The following SLC9C2 variants were observed in gnomAD, a reference collection of about 807,000 sequenced individuals.
The protein encoded by SLC9C2 is sodium/hydrogen exchanger 11.
Under a neutral mutation model 140.2 loss-of-function variants are expected in SLC9C2, and 75 were observed. The ratio of observed to expected loss-of-function variants is 0.53; its 90% confidence interval spans 0.44 to 0.65. SLC9C2 has a LOEUF of 0.65. Ranked by LOEUF, SLC9C2 falls within the 30% of genes least tolerant of loss-of-function variation. SLC9C2 has a pLI of 0.00. For missense variants in SLC9C2, 1,074 were observed against 1,331.8 expected, an observed-to-expected ratio of 0.81 and a Z score of 3.01; for synonymous variants, 375 against 420.9, an observed-to-expected ratio of 0.89 and a Z score of 1.34.
At chr1:173,505,581 A>G (rs1357189467) in intron 25 of SLC9C2, among the ~76,000 whole-genome samples, 1 of 152,200 alleles carries the variant, frequency 6.6e-6, no homozygotes, top group Non-Finnish European at 1.5e-5. Context: ...GGAAATTCCC[A>G]GTTTGGAAAG....
chr1:173,563,259 T>C (rs544027721), intron 9 of SLC9C2, among the ~76,000 whole-genome samples: 96 of 152,082 alleles, frequency 6.3e-4, no homozygotes, highest in Non-Finnish European at 4.6e-4. Flanking sequence ...TATCACAGTC[T>C]CACAGGGCTG....
At chr1:173,567,399 T>C (rs1664540996) in intron 9 of SLC9C2, among the ~76,000 whole-genome samples, 1 of 152,110 alleles carries the variant, frequency 6.6e-6, no homozygotes, top group South Asian at 2.1e-4. Context: ...TTGACTCCTT[T>C]ATCATTATAT....
intron 17 of SLC9C2, among the ~76,000 whole-genome samples, chr1:173,530,404 C>A (rs1661499061): frequency 6.6e-6 from 1 of 152,146 alleles, no homozygotes; most frequent in African/African-American, 2.4e-5. Context: ...TTCAGAAAAC[C>A]CCTAACCAGG....
chr1:173,521,303 T>C lies in SLC9C2; in HGVS notation c.2737A>G (p.Ile913Val). The C allele has an allele frequency of 6.7e-7, 1 of 1,495,436 alleles. No homozygotes were observed. Among genetic ancestry groups the C allele is most frequent in the Middle Eastern group, 1.7e-4 (1 of 5,778 alleles). 92.6% of individuals were successfully genotyped at this position (1,495,436 alleles called of 1,614,324 possible). A position where few individuals can be genotyped will look rare whatever the true frequency, so the allele number is the denominator to read the frequency against. ...AAAAAAAATCAATAGTCCCTTACAATTGCCATTCCTGAAATAATTAAGTAG... is the reference window on the plus strand; with the variant it reads ...AAAAAAAATCAATAGTCCCTTACAACTGCCATTCCTGAAATAATTAAGTAG... ...GIYLIISGMAILHSLSPTFGI... is the reference protein window; with the variant it reads ...GIYLIISGMAVLHSLSPTFGI... The change falls in exon 22 of 28, where the codon ATT becomes GTT. Residue 913 changes from isoleucine to valine, a missense_variant and splice_region_variant. Coordinates refer to ENST00000367714, the MANE Select transcript of SLC9C2 (RefSeq NM_178527.4).
At chr1:173,593,430 G>A (rs547923037) in intron 4 of SLC9C2, among the ~76,000 whole-genome samples, 1 of 152,184 alleles carries the variant, frequency 6.6e-6, no homozygotes, top group Non-Finnish European at 1.5e-5. Flanking sequence ...TGAGGCAGGA[G>A]AATCACTTGA....
chr1:173,579,150 G>A (rs1665369182), intron 7 of SLC9C2, among the ~76,000 whole-genome samples: 1 of 152,294 alleles, frequency 6.6e-6, no homozygotes, highest in Middle Eastern at 3.4e-3. Flanking sequence ...ACACTCTGCA[G>A]TAAGTCTTAC....
chr1:173,582,107 T>G, intron 6 of SLC9C2, 99 bp from the exon 7 acceptor site: 1 of 888,514 alleles, frequency 1.1e-6, no homozygotes, highest in Non-Finnish European at 1.6e-6. Flanking sequence ...GGTTTGCTTG[T>G]GAGATTTTGA....
intron 23 of SLC9C2, among the ~76,000 whole-genome samples, chr1:173,514,008 A>C (rs1387575398): frequency 1.3e-5 from 2 of 152,196 alleles, no homozygotes; most frequent in Non-Finnish European, 2.9e-5. Flanking sequence ...ATTTGATTGC[A>C]CTGTGGTCTG....
At chr1:173,601,596 T>C (rs1244452534) in intron 2 of SLC9C2, 54 bp downstream of exon 2, 4 of 1,582,030 alleles carry the variant, frequency 2.5e-6, no homozygotes, top group Non-Finnish European at 3.4e-6. Context: ...CTTTCTGCAT[T>C]GACAAAAGGT....
At chr1:173,546,115 C>T (rs1662828949) in intron 13 of SLC9C2, among the ~76,000 whole-genome samples, 1 of 152,188 alleles carries the variant, frequency 6.6e-6, no homozygotes. Flanking sequence ...TAATAGGAGG[C>T]TCTGCAAAGA....
At chr1:173,567,587 TGG>T (rs1449265855) in intron 9 of SLC9C2, among the ~76,000 whole-genome samples, 1 of 152,076 alleles carries the variant, frequency 6.6e-6, no homozygotes, top group African/African-American at 2.4e-5. Flanking sequence ...AACAGATCAT[TGG>T]GTCTTGTTTT....
At chr1:173,524,653 G>A (rs774265814) in intron 20 of SLC9C2, 126 bp downstream of exon 20, 8 of 1,002,326 alleles carry the variant, frequency 8.0e-6, no homozygotes, top group Middle Eastern at 3.1e-4. Context: ...CATTATCAAA[G>A]GCTGAAGGTG....
chr1:173,549,626 A>G (rs1390988084), intron 11 of SLC9C2, among the ~76,000 whole-genome samples: 1 of 152,240 alleles, frequency 6.6e-6, no homozygotes, highest in African/African-American at 2.4e-5. Flanking sequence ...GCATTAGACC[A>G]GGTGGAAGGA....
At chr1:173,539,773 T>C (rs1306401557) in intron 13 of SLC9C2, among the ~76,000 whole-genome samples, 2 of 152,120 alleles carry the variant, frequency 1.3e-5, no homozygotes, top group Non-Finnish European at 2.9e-5. Flanking sequence ...AAAGGGGTCA[T>C]AAACACAGGA....
At chr1:173,593,218 C>T (rs1433864158) in intron 4 of SLC9C2, among the ~76,000 whole-genome samples, 2 of 152,076 alleles carry the variant, frequency 1.3e-5, no homozygotes, top group Admixed American at 6.6e-5. Context: ...GGATCAAATC[C>T]ACACATATCA....
At chr1:173,514,707 G>A (rs539821539) in intron 23 of SLC9C2, among the ~76,000 whole-genome samples, 43 of 151,924 alleles carry the variant, frequency 2.8e-4, no homozygotes, top group Middle Eastern at 6.8e-3. Context: ...GTTATTTTGC[G>A]TACTATGCAA....
intron 26 of SLC9C2, 137 bp downstream of exon 26, chr1:173,505,110 G>A: frequency 1.4e-6 from 1 of 698,488 alleles, no homozygotes; most frequent in Non-Finnish European, 2.4e-6. Flanking sequence ...GTGGCAGCCA[G>A]GGTGGGCCCA....
At chr1:173,574,250 G>C (rs1408253603) in intron 8 of SLC9C2, among the ~76,000 whole-genome samples, 1 of 152,146 alleles carries the variant, frequency 6.6e-6, no homozygotes, top group Non-Finnish European at 1.5e-5. Flanking sequence ...TCTCCTTACA[G>C]GTGGATCTCA....
At position 173,535,980 on chromosome 1, in the gene SLC9C2, A is replaced by T. The variant is rs367901097; in HGVS notation, c.1656-31T>A. 1.8e-4 allele frequency: 259 copies of T among 1,468,890 alleles called. 2 individuals carry two copies. In the African/African-American group the frequency reaches 3.4e-3, roughly 19 times the overall value. The allele number at this position is 1,468,890 out of a possible 1,614,324, so 91.0% of individuals were successfully genotyped here. A position where few individuals can be genotyped will look rare whatever the true frequency, so the allele number is the denominator to read the frequency against. On this transcript the variant is annotated intron_variant, in intron 14 of 27. Transcript: ENST00000367714. ...AGAGAAAAATGTACATATGTGTTAT[A>T]ATAAAAAGCAAGTGCTATACTTTGG...
Sources: allele counts gnomAD v4.1 joint callset (sites outside exome capture counted in the v4.1 genomes callset), GRCh38; gene constraint gnomAD v4.1.1; transcripts MANE v1.5; gene names NCBI Gene and HGNC (gene_info 2026-07-23, HGNC 2026-07-21).